CFAP61: variants seen among roughly 807,000 people sequenced by gnomAD.
The protein encoded by CFAP61 is cilia and flagella associated protein 61.
CFAP61 carries 107 observed loss-of-function variants against 135.6 expected under a neutral mutation model. The ratio of observed to expected loss-of-function variants is 0.79; its 90% CI spans 0.67 to 0.93. The LOEUF (loss-of-function observed/expected upper bound fraction) is 0.93, where lower values mean the gene tolerates loss of function less well. CFAP61 is among the 40% of genes least tolerant of loss of function. CFAP61 has a pLI of 0.00. For synonymous variants in CFAP61, 575 were observed against 578.5 expected (o/e 0.99, Z 0.09); for missense variants, 1,507 against 1,556.2 (o/e 0.97, Z 0.53).
intron 6 of CFAP61, among the ~76,000 whole-genome samples, chr20:20,076,869 G>A (rs998263300): frequency 2.0e-5 from 3 of 152,150 alleles, no homozygotes; most frequent in Non-Finnish European, 4.4e-5. Context: ...CAAAAGGAAC[G>A]TGACATCTGC....
intron 22 of CFAP61, among the ~76,000 whole-genome samples, chr20:20,279,395 A>G (rs545687427): frequency 9.2e-5 from 14 of 152,320 alleles, no homozygotes; most frequent in African/African-American, 3.4e-4. Context: ...TTTGTATTTT[A>G]TATGTATTGT....
In CFAP61 at chr20:20,318,843, G is replaced by A. The variant is rs149893161; in HGVS notation, c.3422+20457G>A. ...GACAAAAAGCTTTCCTTAAACATCA[G>A]TTACTTACTGGATGTATTCACAGAC... On this transcript the variant is annotated intron_variant, in intron 25 of 26. Transcript: ENST00000245957. Among the ~76,000 whole-genome samples the A allele has an allele frequency of 2.6e-5, 4 of 152,334 alleles. No homozygotes were observed. The East Asian group carries it at 7.7e-4, about 29-fold the overall frequency.
rs142777865 is a variant in CFAP61 at position 20,125,056 on chromosome 20, A to G, written c.860-17801A>G. 4.9e-4 allele frequency among the ~76,000 whole-genome samples: 75 copies of G among 151,746 alleles called. 1 individual carries two copies. The East Asian group carries it at 7.4e-3, about 15-fold the overall frequency. On this transcript the variant is annotated intron_variant, in intron 8 of 26. Coordinates refer to ENST00000245957, the MANE Select transcript of CFAP61 (RefSeq NM_015585.4). ...TGATCTTTTGTATTTCATTGGTGTC[A>G]GCTGTAATATCTCCTGTTTCATTTC...
At chr20:20,109,118 A>G (rs2048613703) in intron 8 of CFAP61, among the ~76,000 whole-genome samples, 1 of 152,146 alleles carries the variant, frequency 6.6e-6, no homozygotes, top group African/African-American at 2.4e-5. Context: ...GAGTCATGTC[A>G]TGCATGTGGA....
At position 20,091,515 on chromosome 20, in the gene CFAP61, C is replaced by G. The variant is rs948134999; in HGVS notation, c.699+539C>G. Among the ~76,000 whole-genome samples, 3 of 151,796 alleles carry G rather than the reference C, an allele frequency of 2.0e-5. No homozygotes were observed. In the East Asian group the frequency reaches 5.8e-4, roughly 29 times the overall value. ...TTTTTCTCTCTTGCTGGCTCTCTCT[C>G]TCTCTCTCATGTATATTCTGAACCA... On this transcript the variant is annotated intron_variant, in intron 7 of 26. Coordinates refer to ENST00000245957, the MANE Select transcript of CFAP61 (RefSeq NM_015585.4).
At chr20:20,300,788 T>A (rs1021765102) in intron 25 of CFAP61, among the ~76,000 whole-genome samples, 1 of 152,024 alleles carries the variant, frequency 6.6e-6, no homozygotes, top group African/African-American at 2.4e-5. Flanking sequence ...GCATTTTTAG[T>A]AGAGACGGGG....
At chr20:20,132,407 T>C (rs2050608492) in intron 8 of CFAP61, among the ~76,000 whole-genome samples, 1 of 152,146 alleles carries the variant, frequency 6.6e-6, no homozygotes, top group Admixed American at 6.5e-5. Flanking sequence ...CTACTCTGTG[T>C]GTTTTTAATT....
chr20:20,227,181 G>T (rs998019389), intron 17 of CFAP61, among the ~76,000 whole-genome samples: 1 of 152,214 alleles, frequency 6.6e-6, no homozygotes, highest in Non-Finnish European at 1.5e-5. Flanking sequence ...CCATTATTCT[G>T]TCAGACTTCC....
rs182336914 is a variant in CFAP61 at position 20,255,981 on chromosome 20, G to A, written c.2328+4218G>A. Among the ~76,000 whole-genome samples, 13 of 152,282 alleles carry A rather than the reference G, an allele frequency of 8.5e-5. No homozygotes were observed. In the East Asian group the frequency reaches 9.6e-4, roughly 11 times the overall value. On this transcript the variant is annotated intron_variant, in intron 20 of 26. Transcript: ENST00000245957. ...CGCTCCTGGAGTCCTGAGGTGCCAC[G>A]TGAGAAGTTCTGATGCCCTGGGGTT... is the stretch of plus-strand genomic sequence containing the variant.
At chr20:20,244,732 T>A (rs1225779173) in intron 18 of CFAP61, among the ~76,000 whole-genome samples, 1 of 152,148 alleles carries the variant, frequency 6.6e-6, no homozygotes, top group East Asian at 1.9e-4. Flanking sequence ...CTTGAACTTC[T>A]CCTCAGAAAA....
chr20:20,355,352 G>A (rs1228548261), intron 26 of CFAP61, among the ~76,000 whole-genome samples: 1 of 133,376 alleles, frequency 7.5e-6, no homozygotes, highest in Non-Finnish European at 1.6e-5. Flanking sequence ...ACTGTGAGGG[G>A]AGGTGGTCAC....
chr20:20,229,099 A>G (rs2048944387), intron 18 of CFAP61, among the ~76,000 whole-genome samples: 1 of 152,174 alleles, frequency 6.6e-6, no homozygotes, highest in Non-Finnish European at 1.5e-5. Context: ...CTGTTTTCTC[A>G]TCCCCCTCAA....
At chr20:20,330,024 C>T (rs1602049365) in intron 25 of CFAP61, among the ~76,000 whole-genome samples, 1 of 152,216 alleles carries the variant, frequency 6.6e-6, no homozygotes, top group South Asian at 2.1e-4. Context: ...AAATGATGCT[C>T]ACAGGAGGCG....
At chr20:20,282,868 G>C (rs552609292) in intron 22 of CFAP61, among the ~76,000 whole-genome samples, 1 of 151,788 alleles carries the variant, frequency 6.6e-6, no homozygotes, top group African/African-American at 2.4e-5. Context: ...GAACCTAGGA[G>C]GTGGAGGTTG....
At chr20:20,140,884 TA>T (rs1420035906) in intron 8 of CFAP61, among the ~76,000 whole-genome samples, 7 of 151,128 alleles carry the variant, frequency 4.6e-5, no homozygotes, top group African/African-American at 1.5e-4. Context: ...TATGCAGCCA[TA>T]AAAAAGGAAA....
At chr20:20,339,182 G>A (rs892632480) in intron 25 of CFAP61, among the ~76,000 whole-genome samples, 2 of 152,078 alleles carry the variant, frequency 1.3e-5, no homozygotes, top group African/African-American at 4.8e-5. Flanking sequence ...AGGCTGTGTG[G>A]GTTACTTCAT....
chr20:20,083,828 G>T (rs754193454), intron 6 of CFAP61, among the ~76,000 whole-genome samples: 43 of 152,246 alleles, frequency 2.8e-4, no homozygotes, highest in Middle Eastern at 3.4e-3. Context: ...GATCAGATGT[G>T]CTTTGAAAAG....
At chr20:20,287,765 A>G (rs900478007) in intron 22 of CFAP61, among the ~76,000 whole-genome samples, 7 of 152,224 alleles carry the variant, frequency 4.6e-5, no homozygotes, top group Non-Finnish European at 7.3e-5. Context: ...GAAAGATAAA[A>G]TCAATTGAGC....
At chr20:20,080,741 C>T (rs531810587) in intron 6 of CFAP61, among the ~76,000 whole-genome samples, 21 of 152,300 alleles carry the variant, frequency 1.4e-4, no homozygotes, top group African/African-American at 4.8e-4. Context: ...CAGTGGTTCA[C>T]ACCTGTAATC....
Sources: gnomAD v4.1 joint callset for allele counts (sites outside exome capture counted in the v4.1 genomes callset) on GRCh38, gnomAD v4.1.1 for gene constraint, MANE v1.5 for transcripts, NCBI Gene and HGNC (gene_info 2026-07-23, HGNC 2026-07-21) for gene names.